Variants in ZYG11B observed in about 807,000 individuals in gnomAD.
The protein encoded by ZYG11B is protein zyg-11 homolog B.
In ZYG11B, 36 loss-of-function variants were observed where a neutral mutation model predicts 82.4. The observed-to-expected ratio is 0.44, with a 90% CI of 0.33 to 0.58. The LOEUF is 0.58. ZYG11B is among the 20% of genes least tolerant of loss of function. ZYG11B has a pLI of 0.02. For missense variants in ZYG11B, 552 were observed against 895.6 expected (o/e 0.62, Z 4.90); for synonymous variants, 303 against 312.8 (o/e 0.97, Z 0.33).
chr1:52,730,087 C>T (rs895590972), intron 1 of ZYG11B, among the ~76,000 whole-genome samples: 1 of 152,064 alleles, frequency 6.6e-6, no homozygotes, highest in African/African-American at 2.4e-5. Context: ...GAATTATAGA[C>T]GTGAACTACT....
intron 1 of ZYG11B, among the ~76,000 whole-genome samples, chr1:52,754,959 C>CTTTTT (rs34416689): frequency 1.6e-5 from 2 of 126,686 alleles, no homozygotes; most frequent in South Asian, 2.5e-4. Context: ...AAAGCCTATT[C>CTTTTT]TTTTTTTTTT....
At chr1:52,776,652 T>G (rs1288970166) in intron 3 of ZYG11B, among the ~76,000 whole-genome samples, 3 of 152,178 alleles carry the variant, frequency 2.0e-5, no homozygotes, top group Non-Finnish European at 4.4e-5. Context: ...ATAAAGCTGT[T>G]GGAACCAACC....
chr1:52,799,746 G>T (rs1292318306), intron 8 of ZYG11B, among the ~76,000 whole-genome samples: 1 of 151,972 alleles, frequency 6.6e-6, no homozygotes, highest in Non-Finnish European at 1.5e-5. Context: ...AGTGAGCCGA[G>T]ACTGGGCCAC....
At chr1:52,806,746 C>G (rs1024793131) in intron 10 of ZYG11B, among the ~76,000 whole-genome samples, 12 of 151,884 alleles carry the variant, frequency 7.9e-5, no homozygotes, top group African/African-American at 1.5e-4. Flanking sequence ...TACCTTGCAT[C>G]CTGCTTTTTC....
In ZYG11B at chr1:52,782,416, T is replaced by C. The variant is rs1299614925; in HGVS notation, c.1092+2423T>C. 2.0e-5 allele frequency among the ~76,000 whole-genome samples: 3 copies of C among 151,948 alleles called. No individual in the cohort carries two copies. In the East Asian group the frequency reaches 5.8e-4, roughly 29 times the overall value. ...TTTTTTTAAAGATACAAGATCTAGC[T>C]GTATTGCCCAAGCTGGAGTGCAGTG... is the stretch of plus-strand genomic sequence containing the variant. On this transcript the variant is annotated intron_variant, in intron 4 of 13. Transcript: ENST00000294353.
intron 13 of ZYG11B, among the ~76,000 whole-genome samples, chr1:52,818,863 A>C (rs933161845): frequency 2.7e-5 from 4 of 146,718 alleles, no homozygotes; most frequent in African/African-American, 5.1e-5. Flanking sequence ...ACACGATCTC[A>C]GCTCACCACA....
chr1:52,788,778 A>C, intron 5 of ZYG11B, among the ~76,000 whole-genome samples: 1 of 152,202 alleles, frequency 6.6e-6, no homozygotes, highest in East Asian at 1.9e-4. Flanking sequence ...CAATGAGGTA[A>C]TATCTTTGCC....
At position 52,726,463 on chromosome 1, in the gene ZYG11B, C is replaced by G; in HGVS notation, c.-191C>G. ...GGTCCTCGCGGGGGCGGAGTCTGCG[C>G]TCTGGTTCGGGCTGCGGCTGCGGCT... On this transcript the variant is annotated 5_prime_UTR_variant, in exon 1 of 14. Transcript: ENST00000294353. The G allele has an allele frequency of 2.0e-6, 1 of 491,368 alleles. No individual in the cohort carries two copies. Among genetic ancestry groups the G allele is most frequent in the Non-Finnish European group, 3.2e-6 (1 of 313,424 alleles). 30.4% of individuals were successfully genotyped at this position (491,368 alleles called of 1,614,324 possible).
intron 1 of ZYG11B, among the ~76,000 whole-genome samples, chr1:52,753,653 A>G (rs867080838): frequency 1.3e-5 from 2 of 151,826 alleles, no homozygotes; most frequent in East Asian, 3.9e-4. Flanking sequence ...CCGGAGTGCA[A>G]TGGTGTGATC....
intron 1 of ZYG11B, among the ~76,000 whole-genome samples, chr1:52,753,458 C>T (rs1464439046): frequency 6.8e-6 from 1 of 145,990 alleles, no homozygotes; most frequent in South Asian, 2.2e-4. Flanking sequence ...CTCGCTCTGT[C>T]ACCCAGGCTG....
At chr1:52,776,533 CAAAAA>C (rs139862670) in intron 3 of ZYG11B, among the ~76,000 whole-genome samples, 1 of 92,126 alleles carries the variant, frequency 1.1e-5, no homozygotes, top group Non-Finnish European at 2.4e-5. Flanking sequence ...GACTGTGTCT[CAAAAA>C]AAAAAAAAAA....
intron 1 of ZYG11B, among the ~76,000 whole-genome samples, chr1:52,734,165 T>A (rs1352301604): frequency 3.3e-5 from 5 of 152,062 alleles, no homozygotes; most frequent in African/African-American, 4.8e-5. Flanking sequence ...GCCCAGCTAA[T>A]TTTTTTTATT....
intron 5 of ZYG11B, among the ~76,000 whole-genome samples, chr1:52,787,148 G>A (rs1035529955): frequency 1.3e-5 from 2 of 151,828 alleles, no homozygotes; most frequent in African/African-American, 4.8e-5. Flanking sequence ...ATAACATATT[G>A]GAAACACCAA....
chr1:52,748,522 T>C (rs1476843040), intron 1 of ZYG11B, among the ~76,000 whole-genome samples: 1 of 152,218 alleles, frequency 6.6e-6, no homozygotes, highest in Non-Finnish European at 1.5e-5. Context: ...TAATTCTGCC[T>C]TAGAAATTAG....
chr1:52,747,160 A>C (rs1401999972), intron 1 of ZYG11B, among the ~76,000 whole-genome samples: 1 of 152,080 alleles, frequency 6.6e-6, no homozygotes, highest in Non-Finnish European at 1.5e-5. Context: ...AATGTTGATC[A>C]GTCTTTGAAA....
chr1:52,795,290 G>A (rs763659706), intron 6 of ZYG11B, among the ~76,000 whole-genome samples: 1 of 152,162 alleles, frequency 6.6e-6, no homozygotes, highest in African/African-American at 2.4e-5. Flanking sequence ...GGATGTGCCA[G>A]TCTCGCCTTC....
At chr1:52,755,757 G>A (rs544406276) in intron 1 of ZYG11B, among the ~76,000 whole-genome samples, 3 of 151,946 alleles carry the variant, frequency 2.0e-5, no homozygotes, top group South Asian at 4.2e-4. Flanking sequence ...CACCTGCCTC[G>A]GCCTCCCAAA....
Position 52,790,086 on chromosome 1 carries a change from A to C in ZYG11B, c.1334+19A>C. 1 of 1,556,634 alleles carries C rather than the reference A, an allele frequency of 6.4e-7. No individual in the cohort carries two copies. Among genetic ancestry groups the C allele is most frequent in the African/African-American group, 1.3e-5 (1 of 74,120 alleles). On this transcript the variant is annotated intron_variant, in intron 6 of 13. Coordinates refer to ENST00000294353, the MANE Select transcript of ZYG11B (RefSeq NM_024646.3). ...TTAACAGGCAAGTGATAGCTCTAGA[A>C]CTTAAAGTGGGGCAAAACAGAATGT...
rs1184688063 is a variant in ZYG11B at position 52,826,077 on chromosome 1, A to G, written c.*4448A>G. 1 of 152,170 alleles carries G rather than the reference A, an allele frequency of 6.6e-6. No homozygotes were observed. Among genetic ancestry groups the G allele is most frequent in the Non-Finnish European group, 1.5e-5 (1 of 68,028 alleles). 9.4% of individuals were successfully genotyped at this position (152,170 alleles called of 1,614,324 possible). On this transcript the variant is annotated 3_prime_UTR_variant, in exon 14 of 14. Transcript: ENST00000294353. ...TCCTGCCCTCTAATGGTATGTTTAC[A>G]TTATTTCGTTATTATACAATGTAGT...
Sources: allele counts gnomAD v4.1 joint callset (sites outside exome capture counted in the v4.1 genomes callset), GRCh38; gene constraint gnomAD v4.1.1; transcripts MANE v1.5; gene names NCBI Gene and HGNC (gene_info 2026-07-23, HGNC 2026-07-21).